ERBB4: variants seen among roughly 807,000 people sequenced by gnomAD.
ERBB4 encodes erb-b2 receptor tyrosine kinase 4, also known as receptor tyrosine-protein kinase erbB-4.
In ERBB4, 42 loss-of-function variants were observed where a neutral mutation model predicts 158.0. The observed-to-expected ratio is 0.27, with a 90% CI of 0.21 to 0.34. The LOEUF (loss-of-function observed/expected upper bound fraction) is 0.34, where lower values mean the gene tolerates loss of function less well. Ranked by LOEUF, ERBB4 falls within the 10% of genes least tolerant of loss-of-function variation. ERBB4 has a pLI of 1.00. For missense variants in ERBB4, 1,333 were observed against 1,624.1 expected (o/e 0.82, Z 3.08); for synonymous variants, 583 against 558.7 (o/e 1.04, Z -0.61).
chr2:212,044,156 A>G (rs1181367220), intron 2 of ERBB4, among the ~76,000 whole-genome samples: 1 of 152,070 alleles, frequency 6.6e-6, no homozygotes, highest in Admixed American at 6.6e-5. Context: ...GTGTCTCCCA[A>G]TAGTATATTT....
At chr2:212,009,049 TTTTAGTTATATGTTTTTCTAAAC>T (rs2076320352) in intron 2 of ERBB4, among the ~76,000 whole-genome samples, 1 of 1,102 alleles carries the variant, frequency 9.1e-4, no homozygotes, top group Non-Finnish European at 3.6e-3. Flanking sequence ...TAAACAGAAA[TTTTAGTTATATGTTTTTCTAAAC>T]AGAAATTTTA....
At chr2:211,438,612 C>G (rs770240248) in intron 20 of ERBB4, among the ~76,000 whole-genome samples, 1 of 152,132 alleles carries the variant, frequency 6.6e-6, no homozygotes, top group Admixed American at 6.6e-5. Flanking sequence ...ACAAATTTAT[C>G]TTATTAAAAA....
chr2:212,308,467 C>T (rs2086897516), intron 1 of ERBB4, among the ~76,000 whole-genome samples: 1 of 150,948 alleles, frequency 6.6e-6, no homozygotes, highest in Admixed American at 6.6e-5. Flanking sequence ...TACCTACATC[C>T]ATTCTCCAAG....
At chr2:211,992,567 G>GAAAAA (rs780595071) in intron 2 of ERBB4, among the ~76,000 whole-genome samples, 2 of 125,244 alleles carry the variant, frequency 1.6e-5, no homozygotes, top group Admixed American at 9.0e-5. Flanking sequence ...GAGAGAGAGA[G>GAAAAA]AAAAAAAAAA....
At chr2:211,977,893 CAGTT>C (rs1240628366) in intron 2 of ERBB4, among the ~76,000 whole-genome samples, 1 of 147,218 alleles carries the variant, frequency 6.8e-6, no homozygotes, top group East Asian at 2.0e-4. Flanking sequence ...AAAGAGTACT[CAGTT>C]AGAGGTTATA....
intron 3 of ERBB4, among the ~76,000 whole-genome samples, chr2:211,861,325 G>GC (rs1439599064): frequency 4.2e-5 from 4 of 94,166 alleles, no homozygotes; most frequent in African/African-American, 1.6e-4. Context: ...CAGTCCAGGC[G>GC]TGTTTTTTTT....
At chr2:212,457,588 A>C (rs1688363023) in intron 1 of ERBB4, among the ~76,000 whole-genome samples, 1 of 152,056 alleles carries the variant, frequency 6.6e-6, no homozygotes, top group Admixed American at 6.6e-5. Context: ...CTATCACTCT[A>C]TTGGCATAAT....
intron 3 of ERBB4, among the ~76,000 whole-genome samples, chr2:211,939,984 TATAGATAG>T (rs530567931): frequency 1.6e-4 from 23 of 141,474 alleles, no homozygotes; most frequent in African/African-American, 4.5e-4. Context: ...TATATATGTA[TATAGATAG>T]ATAGATAGAT....
intron 2 of ERBB4, among the ~76,000 whole-genome samples, chr2:212,099,557 C>A (rs1408696887): frequency 1.3e-5 from 2 of 152,118 alleles, no homozygotes; most frequent in East Asian, 3.9e-4. Flanking sequence ...TAGCTATCTC[C>A]AATCTGCATG....
intron 1 of ERBB4, among the ~76,000 whole-genome samples, chr2:212,233,532 T>G (rs1031053648): frequency 7.9e-5 from 12 of 152,130 alleles, no homozygotes; most frequent in African/African-American, 2.7e-4. Context: ...TTAAGAAACA[T>G]AAGGATCTGA....
chr2:212,145,790 T>C (rs1179277466), intron 1 of ERBB4, among the ~76,000 whole-genome samples: 2 of 149,264 alleles, frequency 1.3e-5, no homozygotes, highest in Admixed American at 1.3e-4. Context: ...CTCATCCTTA[T>C]CGTCTTATTT....
chr2:212,489,965 G>A (rs1429189829), intron 1 of ERBB4, among the ~76,000 whole-genome samples: 1 of 151,608 alleles, frequency 6.6e-6, no homozygotes, highest in Non-Finnish European at 1.5e-5. Flanking sequence ...TTTTCTTTCA[G>A]TGTGTTTCTA....
chr2:212,480,682 T>A (rs1336816110), intron 1 of ERBB4, among the ~76,000 whole-genome samples: 1 of 152,220 alleles, frequency 6.6e-6, no homozygotes, highest in Non-Finnish European at 1.5e-5. Flanking sequence ...AAGCCATATG[T>A]GCTGTTGGCA....
chr2:212,309,043 G>T (rs2086920780), intron 1 of ERBB4, among the ~76,000 whole-genome samples: 1 of 150,814 alleles, frequency 6.6e-6, no homozygotes. Flanking sequence ...AGGATACTCT[G>T]GTTTATCAAA....
chr2:212,207,023 GT>G (rs2082785009), intron 1 of ERBB4, among the ~76,000 whole-genome samples: 1 of 151,198 alleles, frequency 6.6e-6, no homozygotes, highest in East Asian at 1.9e-4. Context: ...CTTTTGATGA[GT>G]TTTTTGTAAG....
intron 1 of ERBB4, among the ~76,000 whole-genome samples, chr2:212,388,404 G>A (rs758058389): frequency 1.3e-5 from 2 of 152,096 alleles, no homozygotes; most frequent in Admixed American, 1.3e-4. Flanking sequence ...TTGCTAAATA[G>A]GAGGATCTTG....
intron 2 of ERBB4, among the ~76,000 whole-genome samples, chr2:212,060,013 G>A (rs2077710740): frequency 1.3e-5 from 2 of 152,136 alleles, no homozygotes; most frequent in African/African-American, 4.8e-5. Context: ...GCAAACTACA[G>A]AATGGGAGAA....
At chr2:211,575,114 G>A (rs918202414) in intron 19 of ERBB4, among the ~76,000 whole-genome samples, 1 of 152,146 alleles carries the variant, frequency 6.6e-6, no homozygotes, top group Non-Finnish European at 1.5e-5. Context: ...AGTTCACATT[G>A]CATCCATAGC....
chr2:211,919,178 G>A (rs2079791755), intron 3 of ERBB4, among the ~76,000 whole-genome samples: 1 of 152,032 alleles, frequency 6.6e-6, no homozygotes, highest in African/African-American at 2.4e-5. Context: ...TTATGGGGCA[G>A]TTTCCAAAGT....
Sources: allele counts gnomAD v4.1 joint callset (sites outside exome capture counted in the v4.1 genomes callset), GRCh38; gene constraint gnomAD v4.1.1; transcripts MANE v1.5; gene names NCBI Gene and HGNC (gene_info 2026-07-23, HGNC 2026-07-21).